The following FBP2 variants were observed in gnomAD, a reference collection of about 807,000 sequenced individuals.
FBP2 encodes fructose-1,6-bisphosphatase isozyme 2.
FBP2 carries 27 observed loss-of-function variants against 31.6 expected under a neutral mutation model. The observed-to-expected ratio is 0.85, with a 90% CI of 0.63 to 1.18. The LOEUF (loss-of-function observed/expected upper bound fraction) is 1.18, where lower values mean the gene tolerates loss of function less well. Ranked by LOEUF, FBP2 falls within the 50% of genes most tolerant of loss-of-function variation. FBP2 has a pLI of 0.00. For synonymous variants in FBP2, 168 were observed against 179.8 expected (o/e 0.93, Z 0.53); for missense variants, 421 against 436.1 (o/e 0.97, Z 0.31).
At position 94,558,997 on chromosome 9, in the gene FBP2, A is replaced by G; in HGVS notation, c.961T>C (p.Ser321Pro). 6.2e-7 allele frequency: 1 copy of G among 1,613,974 alleles called. No individual in the cohort carries two copies. The highest frequency in any genetic ancestry group is 8.5e-7 in the Non-Finnish European group (1 of 1,180,020). ...IHQRVPLILGSPEDVQEYLTC... is the reference protein window; with the variant it reads ...IHQRVPLILGPPEDVQEYLTC... ...AGATATTCCTGCACATCCTCTGGTG[A>G]CCCCAGAATGAGGGGGACTCGCTGG... is the stretch of plus-strand genomic sequence containing the variant. The change falls in exon 7 of 7, where the codon TCA (serine) becomes CCA (proline). Residue 321 changes from serine to proline, a missense_variant. Transcript: ENST00000375337.
chr9:94,571,674 C>T, intron 3 of FBP2, 72 bp from the exon 4 acceptor site: 1 of 1,361,830 alleles, frequency 7.3e-7, no homozygotes, highest in Non-Finnish European at 1.0e-6. Flanking sequence ...GGGGCCTGGG[C>T]TTCAGATCTC....
chr9:94,568,790 C>A (rs187934878), intron 4 of FBP2: 1 of 152,310 alleles, frequency 6.6e-6, no homozygotes, highest in East Asian at 1.9e-4. Context: ...TCAGTGACTT[C>A]AATCTCTCTG....
intron 1 of FBP2, among the ~76,000 whole-genome samples, chr9:94,588,754 C>T (rs1388709022): frequency 1.3e-5 from 2 of 152,170 alleles, no homozygotes; most frequent in Admixed American, 1.3e-4. Context: ...CCAGTCTTAC[C>T]CAGAGGCAAA....
rs1827050393 is a variant in FBP2 at position 94,558,944 on chromosome 9, G to A, written c.1014C>T (p.Gly338=). 6.2e-7 allele frequency: 1 copy of A among 1,614,060 alleles called. No homozygotes were observed. Among genetic ancestry groups the A allele is most frequent in the Non-Finnish European group, 8.5e-7 (1 of 1,179,978 alleles). ...YLTCVQKNQA[G]S is the part of the protein sequence containing the mutation. The stretch of plus-strand genomic sequence containing the variant: ...GCATGTGGGGTCAAACTCGCTAGCT[G>A]CCTGCCTGATTTTTCTGCACACAGG... Residue 338 remains glycine (G), a synonymous_variant, in exon 7 of 7, where the codon GGC becomes GGT. Coordinates refer to ENST00000375337, the MANE Select transcript of FBP2 (RefSeq NM_003837.4).
Position 94,575,190 on chromosome 9 carries a change from A to T in FBP2, c.427-3588T>A, listed in dbSNP as rs193189406. Among the ~76,000 whole-genome samples the T allele has an allele frequency of 7.3e-3, 1,105 of 152,292 alleles. 15 individuals are homozygous for T. The highest frequency in any genetic ancestry group is 0.01 in the Non-Finnish European group (714 of 68,018). On this transcript the variant is annotated intron_variant, in intron 3 of 6. Transcript: ENST00000375337. ...AATATACACTTATGTGTATTTATAGAATATTTTACATAACATCCAGATCCA... is the reference window on the plus strand; with the variant it reads ...AATATACACTTATGTGTATTTATAGTATATTTTACATAACATCCAGATCCA...
In FBP2 at chr9:94,585,186, T is replaced by C. The variant is rs545533714; in HGVS notation, c.334-517A>G. Among the ~76,000 whole-genome samples the C allele has an allele frequency of 1.4e-3, 214 of 152,318 alleles. 1 individual carries two copies. Among genetic ancestry groups the C allele is most frequent in the African/African-American group, 5.0e-3 (208 of 41,564 alleles). ...ATTTGAGCTTTGTTTCTGTTTTTTT[T>C]CCTTGCTCAGCCAGAGTAGAAAAGT... On this transcript the variant is annotated intron_variant, in intron 2 of 6. Transcript: ENST00000375337.
Position 94,565,686 on chromosome 9 carries a change from A to G in FBP2, c.705+1584T>C, listed in dbSNP as rs553222937. Among the ~76,000 whole-genome samples, 6 of 151,926 alleles carry G rather than the reference A, an allele frequency of 3.9e-5. No individual in the cohort carries two copies. The South Asian group carries it at 8.3e-4, about 21-fold the overall frequency. ...TTCTACTCTAACTTACCTTTGCTCT[A>G]TAAAGAAAAGCTACGAGAAATCTCT... On this transcript the variant is annotated intron_variant, in intron 5 of 6. Transcript: ENST00000375337.
At chr9:94,562,086 C>G (rs938698961) in intron 6 of FBP2, among the ~76,000 whole-genome samples, 2 of 151,958 alleles carry the variant, frequency 1.3e-5, no homozygotes, top group Non-Finnish European at 2.9e-5. Context: ...CCAAGGCGGG[C>G]GGATCACGAG....
At chr9:94,572,394 A>G (rs1827279000) in intron 3 of FBP2, among the ~76,000 whole-genome samples, 1 of 152,160 alleles carries the variant, frequency 6.6e-6, no homozygotes, top group African/African-American at 2.4e-5. Flanking sequence ...AACTGGCCCA[A>G]TGTGAGTCTC....
chr9:94,587,052 C>T (rs575419144), intron 2 of FBP2, among the ~76,000 whole-genome samples: 46 of 152,284 alleles, frequency 3.0e-4, no homozygotes, highest in African/African-American at 1.0e-3. Flanking sequence ...TGAACAGCCA[C>T]GAACAAGCGC....
chr9:94,562,023 A>G (rs553123536), intron 6 of FBP2, among the ~76,000 whole-genome samples: 3 of 152,262 alleles, frequency 2.0e-5, no homozygotes, highest in East Asian at 1.9e-4. Flanking sequence ...AAGAATTTCC[A>G]TGTCTTCGCC....
intron 1 of FBP2, among the ~76,000 whole-genome samples, chr9:94,590,481 A>G (rs1223344342): frequency 2.0e-5 from 3 of 151,934 alleles, no homozygotes; most frequent in Non-Finnish European, 4.4e-5. Context: ...CGGAATTGGT[A>G]GGTTCTTGGT....
intron 3 of FBP2, among the ~76,000 whole-genome samples, chr9:94,576,312 G>C (rs1247108268): frequency 6.6e-6 from 1 of 152,122 alleles, no homozygotes; most frequent in African/African-American, 2.4e-5. Context: ...GCTTTGATGG[G>C]AATCTGGCCA....
chr9:94,566,844 T>C (rs1827196977), intron 5 of FBP2, among the ~76,000 whole-genome samples: 1 of 152,222 alleles, frequency 6.6e-6, no homozygotes, highest in African/African-American at 2.4e-5. Flanking sequence ...ATAAAGTTTA[T>C]ATTTTATGTT....
chr9:94,589,720 C>T (rs1827469404), intron 1 of FBP2, among the ~76,000 whole-genome samples: 1 of 151,056 alleles, frequency 6.6e-6, no homozygotes, highest in African/African-American at 2.4e-5. Flanking sequence ...CTGAACAGCA[C>T]CCCCACCTCA....
chr9:94,560,588 G>T (rs746136957), intron 6 of FBP2, among the ~76,000 whole-genome samples: 3 of 151,976 alleles, frequency 2.0e-5, no homozygotes, highest in Non-Finnish European at 4.4e-5. Flanking sequence ...ACCCAGCTAT[G>T]TGCAGCCTTT....
chr9:94,567,585 A>G (rs1476090825), intron 4 of FBP2, 178 bp from the exon 5 acceptor site: 3 of 624,700 alleles, frequency 4.8e-6, no homozygotes, highest in Non-Finnish European at 8.2e-6. Flanking sequence ...AATAGGGACC[A>G]TATGGAGCCC....
chr9:94,562,577 C>T (rs1827125210), intron 6 of FBP2, among the ~76,000 whole-genome samples: 1 of 152,122 alleles, frequency 6.6e-6, no homozygotes, highest in African/African-American at 2.4e-5. Flanking sequence ...ATTCAAATCT[C>T]AAGGTGACTC....
At chr9:94,577,753 C>T (rs1192250422) in intron 3 of FBP2, 4 of 152,220 alleles carry the variant, frequency 2.6e-5, no homozygotes, top group African/African-American at 9.7e-5. Flanking sequence ...TGGACAGCTT[C>T]CAGTTTTGTC....
Sources: gnomAD v4.1 joint callset for allele counts (sites outside exome capture counted in the v4.1 genomes callset) on GRCh38, gnomAD v4.1.1 for gene constraint, MANE v1.5 for transcripts, NCBI Gene and HGNC (gene_info 2026-07-23, HGNC 2026-07-21) for gene names.